Variants in CCSER1 observed in about 807,000 individuals in gnomAD.
CCSER1 encodes serine-rich coiled-coil domain-containing protein 1.
Under a neutral mutation model 82.0 loss-of-function variants are expected in CCSER1, and 41 were observed. The observed-to-expected ratio is 0.50, with a 90% CI of 0.39 to 0.65. The LOEUF (loss-of-function observed/expected upper bound fraction) is 0.65, where lower values mean the gene tolerates loss of function less well. CCSER1 is among the 30% of genes least tolerant of loss of function. The pLI is 0.00. For synonymous variants in CCSER1, 414 were observed against 383.9 expected (o/e 1.08, Z -0.92); for missense variants, 1,119 against 1,064.2 (o/e 1.05, Z -0.72).
chr4:90,590,996 C>T (rs1782625405), intron 5 of CCSER1, among the ~76,000 whole-genome samples: 1 of 152,046 alleles, frequency 6.6e-6, no homozygotes, highest in African/African-American at 2.4e-5. Flanking sequence ...TGTAGTTCTC[C>T]TTGAAGAGGT....
At chr4:91,375,120 C>T (rs887378026) in intron 10 of CCSER1, among the ~76,000 whole-genome samples, 3 of 152,166 alleles carry the variant, frequency 2.0e-5, no homozygotes, top group Non-Finnish European at 4.4e-5. Flanking sequence ...TCACTAAGAA[C>T]AGTCATGATT....
intron 7 of CCSER1, among the ~76,000 whole-genome samples, chr4:90,743,840 A>G (rs1372826243): frequency 6.6e-6 from 1 of 152,218 alleles, no homozygotes; most frequent in Non-Finnish European, 1.5e-5. Context: ...ATTTTTGGTA[A>G]TAATGCCCAC....
chr4:90,514,524 G>A (rs1430406283), intron 5 of CCSER1, among the ~76,000 whole-genome samples: 1 of 152,144 alleles, frequency 6.6e-6, no homozygotes, highest in Non-Finnish European at 1.5e-5. Flanking sequence ...GGGAGGCCAA[G>A]GTGGGTGGAT....
intron 10 of CCSER1, among the ~76,000 whole-genome samples, chr4:91,154,618 G>A (rs6818893): frequency 0.11 from 17,088 of 151,972 alleles, 1,215 homozygotes; most frequent in East Asian, 0.23. Flanking sequence ...CATCACTCAC[G>A]CTGGGAGCTG....
At chr4:91,189,887 A>G (rs1249286768) in intron 10 of CCSER1, among the ~76,000 whole-genome samples, 1 of 152,168 alleles carries the variant, frequency 6.6e-6, no homozygotes, top group Non-Finnish European at 1.5e-5. Context: ...AATTTAAATT[A>G]TTTTGATTAT....
At position 90,562,154 on chromosome 4, in the gene CCSER1, C is replaced by T. The variant is rs566812152; in HGVS notation, c.1725-65871C>T. Reference sequence around the variant, plus strand: ...GCAGTGAGCCCAGATTATGCCATTGCACTCCAGCCTGGGCAACAAGAGTGA... The same window carrying T: ...GCAGTGAGCCCAGATTATGCCATTGTACTCCAGCCTGGGCAACAAGAGTGA... On this transcript the variant is annotated intron_variant, in intron 5 of 10. Coordinates refer to ENST00000509176, the MANE Select transcript of CCSER1 (RefSeq NM_001145065.2). Among the ~76,000 whole-genome samples, 7 of 145,614 alleles carry T rather than the reference C, an allele frequency of 4.8e-5. No individual in the cohort carries two copies. The South Asian group carries it at 1.1e-3, about 23-fold the overall frequency.
At position 91,408,019 on chromosome 4, in the gene CCSER1, A is replaced by G. The variant is rs1752804461; in HGVS notation, c.2218-190553A>G. Among the ~76,000 whole-genome samples, 3 of 151,996 alleles carry G rather than the reference A, an allele frequency of 2.0e-5. No individual in the cohort carries two copies. The South Asian group carries it at 6.2e-4, about 32-fold the overall frequency. On this transcript the variant is annotated intron_variant, in intron 10 of 10. Coordinates refer to ENST00000509176, the MANE Select transcript of CCSER1 (RefSeq NM_001145065.2). The stretch of plus-strand genomic sequence containing the variant: ...GCACTTCCGGCTTGCTCAGCCTAGG[A>G]GCTGATAGTGCTCCAGGCCAGTAAA...
chr4:91,165,741 C>T (rs370013964), intron 10 of CCSER1, among the ~76,000 whole-genome samples: 7 of 152,330 alleles, frequency 4.6e-5, no homozygotes, highest in African/African-American at 9.6e-5. Flanking sequence ...CCAAACCAGG[C>T]GTGGGATATA....
rs553337487 is a variant in CCSER1 at position 90,497,735 on chromosome 4, C to A, written c.1724+29381C>A. 1.4e-4 allele frequency among the ~76,000 whole-genome samples: 21 copies of A among 152,254 alleles called. No individual in the cohort carries two copies. The South Asian group carries it at 3.1e-3, about 23-fold the overall frequency. ...ACTAACGTTGCATAACAAACAGCTA[C>A]ACATCTCAATGGTCACTGGTCTTTG... is the stretch of plus-strand genomic sequence containing the variant. On this transcript the variant is annotated intron_variant, in intron 5 of 10. Transcript: ENST00000509176.
intron 10 of CCSER1, among the ~76,000 whole-genome samples, chr4:91,279,083 G>A (rs1249620353): frequency 6.6e-6 from 1 of 150,826 alleles, no homozygotes; most frequent in African/African-American, 2.4e-5. Flanking sequence ...TTTCAGCACT[G>A]AATATATCAC....
At chr4:90,439,220 G>A (rs1436219523) in intron 4 of CCSER1, among the ~76,000 whole-genome samples, 1 of 152,048 alleles carries the variant, frequency 6.6e-6, no homozygotes. Context: ...CCCGGGAGGC[G>A]GAGGTTGTAG....
chr4:90,274,928 C>A (rs1012654711), intron 1 of CCSER1, among the ~76,000 whole-genome samples: 1 of 152,084 alleles, frequency 6.6e-6, no homozygotes, highest in Admixed American at 6.6e-5. Context: ...CTGCATAGCA[C>A]ATGTGAAGTA....
At chr4:91,151,001 G>T (rs1170706098) in intron 10 of CCSER1, among the ~76,000 whole-genome samples, 1 of 152,180 alleles carries the variant, frequency 6.6e-6, no homozygotes, top group Non-Finnish European at 1.5e-5. Context: ...AGTTAGGGAG[G>T]ATTCCCTCTT....
chr4:90,182,392 T>G (rs1182855805), intron 1 of CCSER1, among the ~76,000 whole-genome samples: 2 of 152,276 alleles, frequency 1.3e-5, no homozygotes, highest in East Asian at 3.9e-4. Flanking sequence ...GCAATTATTG[T>G]TTTTCATTGT....
At chr4:90,577,269 T>C (rs1346325581) in intron 5 of CCSER1, among the ~76,000 whole-genome samples, 1 of 152,116 alleles carries the variant, frequency 6.6e-6, no homozygotes, top group African/African-American at 2.4e-5. Flanking sequence ...GCGATTTTTT[T>C]CCAATATTTA....
At chr4:91,297,068 T>G (rs981709250) in intron 10 of CCSER1, among the ~76,000 whole-genome samples, 5 of 151,586 alleles carry the variant, frequency 3.3e-5, no homozygotes, top group African/African-American at 1.2e-4. Flanking sequence ...GAAGACAAAA[T>G]TAAGCAAAGA....
intron 10 of CCSER1, among the ~76,000 whole-genome samples, chr4:91,257,501 A>ACACC (rs1288846438): frequency 6.9e-6 from 1 of 145,974 alleles, no homozygotes. Flanking sequence ...ACACACACAC[A>ACACC]CCCATTTCTG....
At chr4:90,208,167 C>A (rs567521419) in intron 1 of CCSER1, among the ~76,000 whole-genome samples, 25 of 152,304 alleles carry the variant, frequency 1.6e-4, no homozygotes, top group African/African-American at 6.0e-4. Context: ...CTGACTGGGG[C>A]TGCTGCCTTT....
chr4:90,974,574 C>A (rs566836621), intron 9 of CCSER1, among the ~76,000 whole-genome samples: 1 of 151,216 alleles, frequency 6.6e-6, no homozygotes, highest in South Asian at 2.1e-4. Flanking sequence ...ATATTTTTCT[C>A]TAAATAAGAT....
Sources: allele counts gnomAD v4.1 joint callset (sites outside exome capture counted in the v4.1 genomes callset), GRCh38; gene constraint gnomAD v4.1.1; transcripts MANE v1.5; gene names NCBI Gene and HGNC (gene_info 2026-07-23, HGNC 2026-07-21).